CALN1: variants seen among roughly 807,000 people sequenced by gnomAD.
CALN1 encodes calneuron 1.
CALN1 carries 17 observed loss-of-function variants against 30.6 expected under a neutral mutation model. The observed-to-expected ratio is 0.56, with a 90% CI of 0.38 to 0.83. CALN1 has a LOEUF of 0.83. Among genes scored for constraint, CALN1 ranks in the 40% least tolerant of loss-of-function variants. CALN1 has a pLI of 0.00. For synonymous variants in CALN1, 156 were observed against 131.4 expected, an observed-to-expected ratio of 1.19 and a Z score of -1.28; for missense variants, 291 against 354.9, an observed-to-expected ratio of 0.82 and a Z score of 1.45.
chr7:72,291,435 A>G (rs553606832), intron 2 of CALN1, among the ~76,000 whole-genome samples: 7 of 152,180 alleles, frequency 4.6e-5, no homozygotes, highest in African/African-American at 1.4e-4. Context: ...GTTCACAGAG[A>G]TCCCCGTCCA....
In CALN1 at chr7:71,785,733, T is replaced by C. The variant is rs1450846823; in HGVS notation, c.*2042A>G. 6.6e-6 allele frequency: 1 copy of C among 152,410 alleles called. No individual in the cohort carries two copies. The highest frequency in any genetic ancestry group is 1.5e-5 in the Non-Finnish European group (1 of 68,156). The allele number at this position is 152,410 out of a possible 1,614,324, so 9.4% of individuals were successfully genotyped here. A position where few individuals can be genotyped will look rare whatever the true frequency, so the allele number is the denominator to read the frequency against. On this transcript the variant is annotated 3_prime_UTR_variant, in exon 7 of 7. Transcript: ENST00000395275. ...ATTAAGGATGAAGTTGTTCGATGTA[T>C]TAATATTCTGCATTTGGACCGGTTC...
intron 2 of CALN1, among the ~76,000 whole-genome samples, chr7:72,373,315 CAT>C (rs965331994): frequency 3.7e-4 from 56 of 152,246 alleles, no homozygotes; most frequent in African/African-American, 1.3e-3. Flanking sequence ...ACAGAAAAAA[CAT>C]ATGATGCAGA....
At chr7:72,247,253 T>C (rs1450351828) in intron 3 of CALN1, among the ~76,000 whole-genome samples, 2 of 73,372 alleles carry the variant, frequency 2.7e-5, no homozygotes, top group Non-Finnish European at 6.0e-5. Flanking sequence ...TTTTTTTTTT[T>C]TTTTTTTTTT....
chr7:71,978,092 G>A (rs17137608), intron 5 of CALN1, among the ~76,000 whole-genome samples: 25,957 of 150,924 alleles, frequency 0.17, 3,199 homozygotes, highest in East Asian at 0.38. Flanking sequence ...CCTTTCTTAC[G>A]TCTGGGAGCT....
At chr7:71,919,545 A>T (rs180849054) in intron 5 of CALN1, among the ~76,000 whole-genome samples, 155 of 152,274 alleles carry the variant, frequency 1.0e-3, no homozygotes, top group African/African-American at 3.5e-3. Context: ...AAGTAAAGAG[A>T]ATATTACAAT....
chr7:72,098,093 A>G (rs1244526210), intron 4 of CALN1, among the ~76,000 whole-genome samples: 1 of 152,180 alleles, frequency 6.6e-6, no homozygotes, highest in Non-Finnish European at 1.5e-5. Flanking sequence ...GATTCCTGAC[A>G]TGCAAAGGAC....
At chr7:72,497,147 A>G in the CALN1 span, among the ~76,000 whole-genome samples, 1 of 152,142 alleles carries the variant, frequency 6.6e-6, no homozygotes, top group African/African-American at 2.4e-5. Context: ...TATTAATAGA[A>G]TGACAGACTT....
intron 5 of CALN1, among the ~76,000 whole-genome samples, chr7:71,835,694 G>A (rs1377470255): frequency 6.6e-6 from 1 of 152,162 alleles, no homozygotes. Flanking sequence ...CCCCATAGAA[G>A]CACTTAAAAA....
intron 5 of CALN1, among the ~76,000 whole-genome samples, chr7:71,915,114 G>C (rs917468047): frequency 1.3e-5 from 2 of 152,136 alleles, no homozygotes; most frequent in African/African-American, 4.8e-5. Context: ...GTCTCTCCAG[G>C]TCAACGTTCA....
intron 4 of CALN1, among the ~76,000 whole-genome samples, chr7:72,027,114 G>A (rs575474929): frequency 4.6e-5 from 7 of 152,174 alleles, no homozygotes; most frequent in East Asian, 3.9e-4. Context: ...AATGGCTTGC[G>A]GCTCTTCTAG....
At chr7:72,247,150 C>T (rs6460708) in intron 3 of CALN1, among the ~76,000 whole-genome samples, 53,941 of 150,082 alleles carry the variant, frequency 0.36, 10,617 homozygotes, top group Middle Eastern at 0.56. Flanking sequence ...CAGATAGTTA[C>T]GGAGAAAGCT....
chr7:72,282,823 G>T (rs974116812), intron 2 of CALN1, among the ~76,000 whole-genome samples: 2 of 152,136 alleles, frequency 1.3e-5, no homozygotes, highest in African/African-American at 4.8e-5. Context: ...AGAGGTTAAG[G>T]CAGGCAGATC....
chr7:72,321,130 CAATTT>C (rs1185805204), intron 2 of CALN1, among the ~76,000 whole-genome samples: 1 of 152,182 alleles, frequency 6.6e-6, no homozygotes, highest in East Asian at 1.9e-4. Flanking sequence ...TTCACCTATT[CAATTT>C]AAACACTTGA....
intron 3 of CALN1, among the ~76,000 whole-genome samples, chr7:72,212,718 G>A (rs187037811): frequency 8.2e-4 from 125 of 151,988 alleles, no homozygotes; most frequent in Admixed American, 1.4e-3. Context: ...GGAAGCTGAG[G>A]CTGGAGGATC....
upstream of CALN1, among the ~76,000 whole-genome samples, chr7:72,447,799 A>G (rs905972387): frequency 1.3e-5 from 2 of 150,718 alleles, no homozygotes; most frequent in Non-Finnish European, 3.0e-5. Context: ...CTGCTCGTGT[A>G]TATGCATACA....
At chr7:72,336,733 G>A (rs528757972) in intron 2 of CALN1, 60 of 985,330 alleles carry the variant, frequency 6.1e-5, no homozygotes, top group Non-Finnish European at 7.0e-5. Flanking sequence ...CCGCAGCCCG[G>A]CAGCCGAGGC....
At chr7:71,840,286 T>C (rs1209218663) in intron 5 of CALN1, among the ~76,000 whole-genome samples, 1 of 151,610 alleles carries the variant, frequency 6.6e-6, no homozygotes, top group Non-Finnish European at 1.5e-5. Flanking sequence ...TATGGCTGCA[T>C]CATAGCCTGT....
chr7:72,028,982 CT>C (rs1490045214), intron 4 of CALN1, among the ~76,000 whole-genome samples: 5 of 152,204 alleles, frequency 3.3e-5, no homozygotes, highest in African/African-American at 1.2e-4. Context: ...AAGAGCAAGA[CT>C]CCATCTCAAA....
At chr7:72,367,905 G>A (rs145839848) in intron 2 of CALN1, among the ~76,000 whole-genome samples, 2,153 of 151,990 alleles carry the variant, frequency 0.014, 22 homozygotes, top group African/African-American at 0.025. Context: ...AGGCCGAGGC[G>A]GATGGATCAC....
Sources: allele counts gnomAD v4.1 joint callset (sites outside exome capture counted in the v4.1 genomes callset), GRCh38; gene constraint gnomAD v4.1.1; transcripts MANE v1.5; gene names NCBI Gene and HGNC (gene_info 2026-07-23, HGNC 2026-07-21).